CCDC154: variants seen among roughly 807,000 people sequenced by gnomAD.
The protein encoded by CCDC154 is coiled-coil domain containing 154.
CCDC154 carries 91 observed loss-of-function variants against 87.5 expected under a neutral mutation model. That is an observed-to-expected ratio of 1.04 (90% CI 0.88 to 1.24). The LOEUF is 1.24. CCDC154 is among the 50% of genes most tolerant of loss of function. The pLI, the probability that CCDC154 is intolerant of heterozygous loss-of-function variation, is 0.00. For synonymous variants in CCDC154, 418 were observed against 400.4 expected (o/e 1.04, Z -0.52); for missense variants, 903 against 879.2 (o/e 1.03, Z -0.34).
chr16:1,443,120 C>A, intron 4 of CCDC154, 141 bp downstream of exon 4: 1 of 1,372,916 alleles, frequency 7.3e-7, no homozygotes, highest in South Asian at 1.3e-5. Flanking sequence ...CAAACCCGGC[C>A]TTTTCTAGCT....
chr16:1,434,821 C>T lies in CCDC154; in HGVS notation c.1724G>A (p.Ser575Asn), dbSNP rs571233977. The T allele has an allele frequency of 1.0e-5, 16 of 1,531,408 alleles. No individual in the cohort carries two copies. Among genetic ancestry groups the T allele is most frequent in the African/African-American group, 6.8e-5 (5 of 73,030 alleles). 94.9% of individuals were successfully genotyped at this position (1,531,408 alleles called of 1,614,324 possible). A position where few individuals can be genotyped will look rare whatever the true frequency, so the allele number is the denominator to read the frequency against. ...RTQEMATLWESVLRLWSEEGP... is the reference protein window; with the variant it reads ...RTQEMATLWENVLRLWSEEGP... ...CTCCTCACTCCACAGCCGGAGCACACTCTCCCACAGGGTGGCCATCTCCTG... is the reference window on the plus strand; with the variant it reads ...CTCCTCACTCCACAGCCGGAGCACATTCTCCCACAGGGTGGCCATCTCCTG... The change falls in exon 16 of 17, where the codon AGT becomes AAT. Residue 575 changes from serine (S) to asparagine (N), a missense_variant. Ser to Asn is a conservative substitution (Grantham distance 46). Coordinates refer to ENST00000389176, the MANE Select transcript of CCDC154 (RefSeq NM_001143980.3).
At position 1,436,541 on chromosome 16, in the gene CCDC154, C is replaced by T. The variant is rs1056621503; in HGVS notation, c.1411-20G>A. 9.7e-6 allele frequency: 15 copies of T among 1,547,546 alleles called. No individual in the cohort carries two copies. The highest frequency in any genetic ancestry group is 1.2e-5 in the South Asian group (1 of 84,024). ...CTCTATCTGAACACAGAGCCGGGAG[C>T]GGCGGGCAGCCCCAGGGCGCCATCT... On this transcript the variant is annotated intron_variant, in intron 12 of 16. Transcript: ENST00000389176.
Position 1,437,880 on chromosome 16 carries a change from A to G in CCDC154, c.1227T>C (p.His409=). 6.5e-7 allele frequency: 1 copy of G among 1,545,280 alleles called. No individual in the cohort carries two copies. Among genetic ancestry groups the G allele is most frequent in the Non-Finnish European group, 8.7e-7 (1 of 1,146,490 alleles). The change falls in exon 11 of 17, where the codon CAT becomes CAC. Residue 409 remains histidine (H), a synonymous_variant. Coordinates refer to ENST00000389176, the MANE Select transcript of CCDC154 (RefSeq NM_001143980.3). ...CGAGCCGGCTGCTCAGAGCCGGGAG[A>G]TGGCCACTCAGCTCCTTTAACTGCC... ...LAGQLKELSG[H]LPALSSRLDL...
intron 3 of CCDC154, 45 bp from the exon 4 acceptor site, chr16:1,443,346 T>C: frequency 6.5e-7 from 1 of 1,531,998 alleles, no homozygotes; most frequent in Non-Finnish European, 8.8e-7. Flanking sequence ...TAGGCCCGGG[T>C]CTGGCACCTG....
chr16:1,435,400 C>T (rs1195355420), intron 14 of CCDC154: 31 of 578,350 alleles, frequency 5.4e-5, no homozygotes, highest in South Asian at 2.5e-4. Flanking sequence ...AGGGTTGTTC[C>T]GGCCCTCGTG....
chr16:1,442,407 T>C lies in CCDC154; in HGVS notation c.674A>G (p.Gln225Arg). The C allele has an allele frequency of 6.5e-7, 1 of 1,547,170 alleles. No individual in the cohort carries two copies. The highest frequency in any genetic ancestry group is 8.7e-7 in the Non-Finnish European group (1 of 1,145,288). ...CCTGAAGCCTGGGCCTGGTGGTACC[T>C]GCATTCTGGCCACCTCCAGGTCCAC... ...RRVDLEVARMQAQVTKLGEEV... is the reference protein window; with the variant it reads ...RRVDLEVARMRAQVTKLGEEV... Residue 225 changes from glutamine (Q) to arginine (R), a missense_variant and splice_region_variant, in exon 6 of 17, where the codon CAG (glutamine) becomes CGG (arginine). Physicochemically the swap from Gln to Arg is conservative, Grantham distance 43 (BLOSUM62 1). Transcript: ENST00000389176.
At position 1,440,794 on chromosome 16, in the gene CCDC154, C is replaced by CA. The variant is rs1212746658; in HGVS notation, c.675+1611dup. 2.6e-5 allele frequency among the ~76,000 whole-genome samples: 4 copies of CA among 151,668 alleles called. No homozygotes were observed. The South Asian group carries it at 6.3e-4, about 24-fold the overall frequency. On this transcript the variant is annotated intron_variant, in intron 6 of 16. Transcript: ENST00000389176. ...TGAAACCCCATCTCTACTAAAAATA[C>CA]AAAAAAATTAGCCGGGCGTGGTGGT...
In CCDC154 at chr16:1,434,516, C is replaced by T. The variant is rs373042333; in HGVS notation, c.1896G>A (p.Ala632=). The change falls in exon 17 of 17, where the codon GCG becomes GCA. Residue 632 remains alanine, a synonymous_variant. Transcript: ENST00000389176. ...YQAVRWLRWK[A]SLIKLRALRR... Reference sequence around the variant, plus strand: ...GCAGGGCCCTGAGCTTTATGAGGGACGCCTTCCAGCGCAGCCACCTGTCCA... The same window carrying T: ...GCAGGGCCCTGAGCTTTATGAGGGATGCCTTCCAGCGCAGCCACCTGTCCA... 3.9e-4 allele frequency: 606 copies of T among 1,547,416 alleles called. 1 individual carries two copies. In the African/African-American group the frequency reaches 5.8e-3, roughly 15 times the overall value.
intron 6 of CCDC154, among the ~76,000 whole-genome samples, chr16:1,440,135 G>A (rs561751318): frequency 2.5e-5 from 3 of 118,544 alleles, no homozygotes; most frequent in East Asian, 5.0e-4. Flanking sequence ...GCGACAGAGC[G>A]AGACTGTCAG....
Position 1,438,829 on chromosome 16 carries a change from G to T in CCDC154, c.892C>A (p.Gln298Lys), listed in dbSNP as rs1215239625. The change falls in exon 8 of 17, where the codon CAG becomes AAG. Residue 298 changes from glutamine (Q) to lysine (K), a missense_variant. Coordinates refer to ENST00000389176, the MANE Select transcript of CCDC154 (RefSeq NM_001143980.3). ...GLMEERLRALQGQHEESHLLE... is the reference protein window; with the variant it reads ...GLMEERLRALKGQHEESHLLE... ...CCCGGCCCCACCTCATGCTGCCCCT[G>T]CAGGGCCCGCAGGCGCTCCTCCATC... 1 of 1,545,144 alleles carries T rather than the reference G, an allele frequency of 6.5e-7. No individual in the cohort carries two copies. Among genetic ancestry groups the T allele is most frequent in the Non-Finnish European group, 8.7e-7 (1 of 1,145,348 alleles).
In CCDC154 at chr16:1,437,150, G is replaced by A. The variant is rs544376571; in HGVS notation, c.1291-339C>T. On this transcript the variant is annotated intron_variant, in intron 11 of 16. Transcript: ENST00000389176. Reference sequence around the variant, plus strand: ...CGCTCGCGTGTCGGTGGATGAGCGGGAACCGGGGGGCGGCGCCTACGCAAT... The same window carrying A: ...CGCTCGCGTGTCGGTGGATGAGCGGAAACCGGGGGGCGGCGCCTACGCAAT... 38 of 354,030 alleles carry A rather than the reference G, an allele frequency of 1.1e-4. No individual in the cohort carries two copies. The East Asian group carries it at 2.0e-3, about 19-fold the overall frequency. 21.9% of individuals were successfully genotyped at this position (354,030 alleles called of 1,614,324 possible).
At chr16:1,442,799 G>T in intron 5 of CCDC154, 81 bp downstream of exon 5, 1 of 1,359,456 alleles carries the variant, frequency 7.4e-7, no homozygotes, top group Non-Finnish European at 1.0e-6. Context: ...ACGGCAGGGG[G>T]ACCCGTGTCT....
At chr16:1,444,035 C>T (rs1163980844) in intron 1 of CCDC154, 23 bp from the exon 2 acceptor site, 6 of 1,293,106 alleles carry the variant, frequency 4.6e-6, no homozygotes, top group Middle Eastern at 2.1e-4. Context: ...ATCTTGGGAG[C>T]TTGCCCCTTG....
chr16:1,440,811 C>T (rs1391184867), intron 6 of CCDC154, among the ~76,000 whole-genome samples: 3 of 151,850 alleles, frequency 2.0e-5, no homozygotes, highest in African/African-American at 7.2e-5. Flanking sequence ...ATTAGCCGGG[C>T]GTGGTGGTGG....
chr16:1,442,743 C>T, intron 5 of CCDC154, 137 bp downstream of exon 5: 1 of 1,053,820 alleles, frequency 9.5e-7, no homozygotes, highest in Non-Finnish European at 1.4e-6. Flanking sequence ...GGCTTCCCAG[C>T]ACGCTTGGCA....
Position 1,438,053 on chromosome 16 carries a change from C to A in CCDC154, c.1149G>T (p.Val383=). 6.5e-7 allele frequency: 1 copy of A among 1,547,700 alleles called. No homozygotes were observed. Among genetic ancestry groups the A allele is most frequent in the Non-Finnish European group, 8.7e-7 (1 of 1,145,484 alleles). ...ACATGTTGCGCTACCCCCTCACCAG[C>A]ACCAGCTCTCCATGCATCTCCTGCC... ...LARQEMHGEL[V]LLREKSRALE... is the part of the protein sequence containing the mutation. Residue 383 remains valine (V), a synonymous_variant, in exon 10 of 17, where the codon GTG becomes GTT. Coordinates refer to ENST00000389176, the MANE Select transcript of CCDC154 (RefSeq NM_001143980.3).
In CCDC154 at chr16:1,436,516, C is replaced by T; in HGVS notation, c.1416G>A (p.Glu472=). The T allele has an allele frequency of 6.5e-7, 1 of 1,548,946 alleles. No homozygotes were observed. Among genetic ancestry groups the T allele is most frequent in the South Asian group, 1.2e-5 (1 of 84,052 alleles). Residue 472 remains glutamate, a synonymous_variant, in exon 13 of 17, where the codon GAG becomes GAA. Transcript: ENST00000389176. ...GAAGCAGGCACTTGTCGGAGACACT[C>T]TCTATCTGAACACAGAGCCGGGAGC... is the stretch of plus-strand genomic sequence containing the variant. ...EKVDGLPQQI[E]SVSDKCLLHK... is the part of the protein sequence containing the mutation.
At chr16:1,435,873 C>T (rs1017831934) in intron 14 of CCDC154, 96 bp downstream of exon 14, 63 of 1,062,106 alleles carry the variant, frequency 5.9e-5, no homozygotes, top group African/African-American at 3.9e-4. Flanking sequence ...GAAAATGCCC[C>T]GTAGGCTGGG....
intron 6 of CCDC154, among the ~76,000 whole-genome samples, chr16:1,440,721 T>C (rs914804554): frequency 1.3e-5 from 2 of 151,684 alleles, no homozygotes; most frequent in South Asian, 2.1e-4. Flanking sequence ...GAGGCCGAGA[T>C]GGGCAGATCA....
Sources: allele counts gnomAD v4.1 joint callset (sites outside exome capture counted in the v4.1 genomes callset), GRCh38; gene constraint gnomAD v4.1.1; transcripts MANE v1.5; gene names NCBI Gene and HGNC (gene_info 2026-07-23, HGNC 2026-07-21).